The following FRMPD4 variants were observed in gnomAD, a reference collection of about 807,000 sequenced individuals.
The protein encoded by FRMPD4 is FERM and PDZ domain-containing protein 4.
In FRMPD4, 22 loss-of-function variants were observed where a neutral mutation model predicts 94.1. That is an observed-to-expected ratio of 0.23 (90% CI 0.17 to 0.33). The LOEUF (loss-of-function observed/expected upper bound fraction) is 0.33. FRMPD4 is among the 10% of genes least tolerant of loss of function. The pLI is 1.00. For synonymous variants in FRMPD4, 631 were observed against 548.6 expected (o/e 1.15, Z -2.10); for missense variants, 1,111 against 1,339.9 (o/e 0.83, Z 2.67).
intron 1 of FRMPD4, among the ~76,000 whole-genome samples, chrX:12,326,569 A>G (rs181107459): frequency 7.2e-4 from 81 of 111,843 alleles, no homozygotes; most frequent in Middle Eastern, 4.6e-3. Context: ...ACCAAGTCCT[A>G]GGGGTGCTGA....
At chrX:12,699,382 A>C (rs980351613) in intron 9 of FRMPD4, among the ~76,000 whole-genome samples, 3 of 112,687 alleles carry the variant, frequency 2.7e-5, no homozygotes, top group African/African-American at 9.7e-5. Flanking sequence ...AAGGAGAAGC[A>C]AAGGTGGAAG....
At chrX:12,359,474 T>TC (rs2055948563) in intron 1 of FRMPD4, among the ~76,000 whole-genome samples, 1 of 105,823 alleles carries the variant, frequency 9.4e-6, no homozygotes, top group South Asian at 4.2e-4. Context: ...TCTTTTTTCT[T>TC]TTTTTTTTTT....
chrX:12,633,926 G>GATAAA (rs2148451362), intron 4 of FRMPD4, among the ~76,000 whole-genome samples: 1 of 112,568 alleles, frequency 8.9e-6, no homozygotes, highest in African/African-American at 3.2e-5. Context: ...ACAACTTAAA[G>GATAAA]ATAAAATATA....
At chrX:12,547,131 T>G (rs745802978) in intron 2 of FRMPD4, among the ~76,000 whole-genome samples, 1 of 110,208 alleles carries the variant, frequency 9.1e-6, no homozygotes, top group African/African-American at 3.3e-5. Context: ...AATAAAAAGT[T>G]AATATTTATT....
intron 1 of FRMPD4, among the ~76,000 whole-genome samples, chrX:12,384,048 T>C (rs2056363438): frequency 8.9e-6 from 1 of 111,739 alleles, no homozygotes; most frequent in African/African-American, 3.3e-5. Flanking sequence ...CATGCTTTCG[T>C]GGTGCTAAGC....
intron 2 of FRMPD4, among the ~76,000 whole-genome samples, chrX:12,580,331 AAAG>A (rs2058852036): frequency 8.9e-6 from 1 of 111,932 alleles, no homozygotes; most frequent in Non-Finnish European, 1.9e-5. Context: ...GGAGAAAGCC[AAAG>A]AAGATGTACC....
chrX:12,639,697 A>G (rs762049048), intron 4 of FRMPD4, among the ~76,000 whole-genome samples: 3 of 112,316 alleles, frequency 2.7e-5, no homozygotes, highest in Admixed American at 9.6e-5. Context: ...GTGTTCTTCC[A>G]TGATTAATAT....
intron 1 of FRMPD4, among the ~76,000 whole-genome samples, chrX:12,231,058 T>TATATATAAA: frequency 1.4e-5 from 1 of 69,129 alleles, no homozygotes; most frequent in African/African-American, 5.6e-5. Context: ...AAAATATATA[T>TATATATAAA]ATATATATAT....
chrX:12,643,673 C>T (rs1440585540), intron 4 of FRMPD4, among the ~76,000 whole-genome samples: 1 of 111,818 alleles, frequency 8.9e-6, no homozygotes, highest in African/African-American at 3.3e-5. Flanking sequence ...AAGTATAACT[C>T]CCAAATTTGT....
chrX:12,713,481 GGAGA>G (rs9331478), intron 14 of FRMPD4, among the ~76,000 whole-genome samples: 45,229 of 104,879 alleles, frequency 0.43, 7,540 homozygotes, highest in East Asian at 0.8. Flanking sequence ...GGAGGTAGGT[GGAGA>G]GAGAGAGAGA....
At chrX:12,292,054 C>G (rs761126054) in intron 1 of FRMPD4, among the ~76,000 whole-genome samples, 1 of 111,839 alleles carries the variant, frequency 8.9e-6, no homozygotes, top group East Asian at 2.8e-4. Flanking sequence ...ACACCTGAAG[C>G]TGAACAAGTT....
intron 1 of FRMPD4, among the ~76,000 whole-genome samples, chrX:11,834,604 G>A (rs775439820): frequency 3.6e-5 from 4 of 111,696 alleles, no homozygotes; most frequent in Non-Finnish European, 7.5e-5. Context: ...CTTGCAGGTA[G>A]CTGAAGATGG....
intron 1 of FRMPD4, among the ~76,000 whole-genome samples, chrX:12,434,218 T>C (rs993730387): frequency 1.8e-5 from 2 of 112,613 alleles, no homozygotes; most frequent in Non-Finnish European, 1.9e-5. Context: ...AGTTGCTGTT[T>C]AGGGAACCTC....
chrX:12,092,111 A>G (rs541451696), intron 3 of FRMPD4, among the ~76,000 whole-genome samples: 3 of 111,931 alleles, frequency 2.7e-5, no homozygotes, highest in African/African-American at 6.5e-5. Context: ...ATGAAGGAAT[A>G]TAAGTGCCTA....
intron 2 of FRMPD4, among the ~76,000 whole-genome samples, chrX:12,592,137 C>T (rs1418814046): frequency 8.9e-6 from 1 of 111,814 alleles, no homozygotes; most frequent in East Asian, 2.8e-4. Flanking sequence ...AGGAAAGCTA[C>T]AGAGACAGGT....
intron 16 of FRMPD4, 59 bp from the exon 17 acceptor site, chrX:12,720,475 A>G (rs935520891): frequency 7.8e-6 from 9 of 1,154,659 alleles, no homozygotes; most frequent in Admixed American, 2.2e-5. Context: ...ATGTAGTAAA[A>G]ATGACCTCCC....
intron 1 of FRMPD4, among the ~76,000 whole-genome samples, chrX:12,261,492 A>G (rs186205352): frequency 2.0e-4 from 22 of 111,709 alleles, no homozygotes; most frequent in African/African-American, 6.8e-4. Context: ...AGGACTTGAC[A>G]CATAAGAAGA....
chrX:12,389,383 G>C (rs1333129328), intron 1 of FRMPD4, among the ~76,000 whole-genome samples: 3 of 108,677 alleles, frequency 2.8e-5, no homozygotes, highest in African/African-American at 1.0e-4. Context: ...GCTGTGGCAG[G>C]AGAATCACTT....
intron 1 of FRMPD4, among the ~76,000 whole-genome samples, chrX:12,307,543 T>C (rs2054962064): frequency 9.0e-6 from 1 of 111,461 alleles, no homozygotes; most frequent in Non-Finnish European, 1.9e-5. Context: ...AACTAGTCTA[T>C]AGTGTTCGTC....
Sources: gnomAD v4.1 joint callset for allele counts (sites outside exome capture counted in the v4.1 genomes callset) on GRCh38, gnomAD v4.1.1 for gene constraint, MANE v1.5 for transcripts, NCBI Gene and HGNC (gene_info 2026-07-23, HGNC 2026-07-21) for gene names.